Variants in PCLAF observed in about 807,000 individuals in gnomAD.
PCLAF encodes the protein PCNA-associated factor.
In PCLAF, 12 loss-of-function variants were observed where a neutral mutation model predicts 15.1. That is an observed-to-expected ratio of 0.79 (90% CI 0.51 to 1.29). PCLAF has a LOEUF of 1.29. Among genes scored for constraint, PCLAF ranks in the 50% most tolerant of loss-of-function variants. The pLI is 0.00. For missense variants in PCLAF, 116 were observed against 130.9 expected (o/e 0.89, Z 0.56); for synonymous variants, 33 against 47.1 (o/e 0.70, Z 1.22).
rs1899818895 is a variant in PCLAF at position 64,381,438 on chromosome 15, A to G, written c.-67T>C. ...CCCAGCCGAGGGTGTTTCACTGGACAAGGACCCGAAAACTATCCCGCCACA... is the reference window on the plus strand; with the variant it reads ...CCCAGCCGAGGGTGTTTCACTGGACGAGGACCCGAAAACTATCCCGCCACA... On this transcript the variant is annotated 5_prime_UTR_variant, in exon 1 of 4. Transcript: ENST00000300035. The G allele has an allele frequency of 6.2e-7, 1 of 1,611,356 alleles. No individual in the cohort carries two copies. Among genetic ancestry groups the G allele is most frequent in the Middle Eastern group, 1.6e-4 (1 of 6,074 alleles).
intron 3 of PCLAF, among the ~76,000 whole-genome samples, chr15:64,371,092 C>T (rs1239930616): frequency 2.6e-5 from 4 of 151,410 alleles, no homozygotes; most frequent in Admixed American, 1.3e-4. Flanking sequence ...CCTCAGCCTC[C>T]CGAGTAGCTG....
At chr15:64,370,453 C>T (rs1482331914) in intron 3 of PCLAF, among the ~76,000 whole-genome samples, 3 of 151,182 alleles carry the variant, frequency 2.0e-5, no homozygotes, top group African/African-American at 7.3e-5. Context: ...CTGCAACCTC[C>T]GCCTCCCGAG....
intron 3 of PCLAF, among the ~76,000 whole-genome samples, chr15:64,376,220 G>A (rs865913346): frequency 1.1e-4 from 17 of 151,572 alleles, no homozygotes; most frequent in Middle Eastern, 6.4e-3. Flanking sequence ...GCAAGACTCC[G>A]TCTCAGGAAA....
At chr15:64,384,813 C>T (rs1490080076), upstream of PCLAF, among the ~76,000 whole-genome samples, 2 of 151,696 alleles carry the variant, frequency 1.3e-5, no homozygotes, top group Non-Finnish European at 2.9e-5. Flanking sequence ...TTGCATTGCT[C>T]AGGCAGAAAT....
chr15:64,372,616 AAAAAGAAAAG>A (rs1025157401), intron 3 of PCLAF, among the ~76,000 whole-genome samples: 1 of 149,628 alleles, frequency 6.7e-6, no homozygotes, highest in Non-Finnish European at 1.5e-5. Flanking sequence ...TCCATCTCAA[AAAAAGAAAAG>A]AAAAGAAAAG....
intron 3 of PCLAF, among the ~76,000 whole-genome samples, chr15:64,366,931 C>T (rs933682965): frequency 1.3e-5 from 2 of 151,580 alleles, no homozygotes; most frequent in African/African-American, 4.9e-5. Flanking sequence ...TGAGACTGTG[C>T]CATTGCACTC....
rs937887864 is a variant in PCLAF, at chr15:64,367,240, G to C, written c.291-1165C>G. Among the ~76,000 whole-genome samples, 5 of 151,876 alleles carry C rather than the reference G, an allele frequency of 3.3e-5. No individual in the cohort carries two copies. The South Asian group carries it at 8.3e-4, about 25-fold the overall frequency. On this transcript the variant is annotated intron_variant, in intron 3 of 3. Transcript: ENST00000300035. ...AAAGTCAGGGAGGGCCCTGTGGCTC[G>C]TGCCTCTAATCTCAGCACTTCGGGA...
At chr15:64,382,344 G>A (rs1330785248), upstream of PCLAF, 1 of 151,654 alleles carries the variant, frequency 6.6e-6, no homozygotes, top group African/African-American at 2.4e-5. Context: ...TTGTGCCTAG[G>A]AGGGAGAGGT....
chr15:64,373,715 C>A, intron 3 of PCLAF: 1 of 1,535,724 alleles, frequency 6.5e-7, no homozygotes, highest in South Asian at 1.2e-5. Flanking sequence ...GATCAGTGTG[C>A]CGTGTGTCCA....
At chr15:64,381,200 G>A in intron 1 of PCLAF, 126 bp downstream of exon 1, 2 of 1,263,464 alleles carry the variant, frequency 1.6e-6, no homozygotes, top group Non-Finnish European at 1.2e-6. Flanking sequence ...GGGCCAGGCG[G>A]CTACTCCCTG....
exon 1 of PCLAF, chr15:64,387,683 A>G (rs1395984844): frequency 7.1e-7 from 1 of 1,406,642 alleles, no homozygotes; most frequent in Non-Finnish European, 9.3e-7. Context: ...AAGGAAGTAG[A>G]CAACAAAGCA....
chr15:64,384,022 A>G (rs1166875967), upstream of PCLAF, among the ~76,000 whole-genome samples: 1 of 151,776 alleles, frequency 6.6e-6, no homozygotes, highest in African/African-American at 2.4e-5. Flanking sequence ...CACAATTTTT[A>G]TAATGAAATA....
intron 2 of PCLAF, among the ~76,000 whole-genome samples, chr15:64,379,803 G>A (rs2062250): frequency 0.85 from 129,034 of 152,066 alleles, 56,034 homozygotes; most frequent in East Asian, 0.95. Context: ...AAGGAGCAGC[G>A]TGAAGCTATT....
At chr15:64,379,964 T>A (rs1257073438) in intron 2 of PCLAF, among the ~76,000 whole-genome samples, 1 of 152,100 alleles carries the variant, frequency 6.6e-6, no homozygotes, top group Non-Finnish European at 1.5e-5. Context: ...CAAAAACATT[T>A]TTATTAAAGT....
At chr15:64,370,483 T>C (rs1899242789) in intron 3 of PCLAF, among the ~76,000 whole-genome samples, 1 of 151,450 alleles carries the variant, frequency 6.6e-6, no homozygotes, top group African/African-American at 2.4e-5. Context: ...TTCTCCTGCC[T>C]CAGCCTCTGG....
intron 3 of PCLAF, among the ~76,000 whole-genome samples, chr15:64,368,427 C>T (rs1899140184): frequency 6.6e-6 from 1 of 152,122 alleles, no homozygotes; most frequent in Admixed American, 6.6e-5. Flanking sequence ...TGAACATTAT[C>T]ATAACCCAGA....
At chr15:64,369,620 G>A (rs1372821416) in intron 3 of PCLAF, among the ~76,000 whole-genome samples, 2 of 151,758 alleles carry the variant, frequency 1.3e-5, no homozygotes. Context: ...CAGTGATCTC[G>A]GCTCACTGCA....
At chr15:64,380,421 A>T (rs939402537) in intron 2 of PCLAF, among the ~76,000 whole-genome samples, 1 of 152,010 alleles carries the variant, frequency 6.6e-6, no homozygotes, top group Non-Finnish European at 1.5e-5. Context: ...ATACTAAACC[A>T]AAAAACAAAA....
chr15:64,379,013 T>C (rs1425991417), intron 2 of PCLAF, among the ~76,000 whole-genome samples: 2 of 152,174 alleles, frequency 1.3e-5, no homozygotes, highest in East Asian at 3.8e-4. Context: ...AATTTCCTTA[T>C]CTTTAAAATA....
Sources: gnomAD v4.1 joint callset for allele counts (sites outside exome capture counted in the v4.1 genomes callset) on GRCh38, gnomAD v4.1.1 for gene constraint, MANE v1.5 for transcripts, NCBI Gene and HGNC (gene_info 2026-07-23, HGNC 2026-07-21) for gene names.